The following CHIT1 variants were observed in gnomAD, a reference collection of about 807,000 sequenced individuals.
The protein encoded by CHIT1 is chitotriosidase-1.
A neutral mutation model predicts 52.0 loss-of-function variants in CHIT1; 47 were observed. That is an observed-to-expected ratio of 0.90 (90% CI 0.71 to 1.15). The LOEUF (loss-of-function observed/expected upper bound fraction) is 1.15. CHIT1 is among the 50% of genes most tolerant of loss of function. The probability of loss-of-function intolerance (pLI) is 0.00; values close to 1 mark genes in which losing one functional copy is unlikely to be tolerated. For synonymous variants in CHIT1, 242 were observed against 228.2 expected, an observed-to-expected ratio of 1.06 and a Z score of -0.54; for missense variants, 569 against 583.0, an observed-to-expected ratio of 0.98 and a Z score of 0.25.
At position 203,225,092 on chromosome 1, in the gene CHIT1, C is replaced by T. The variant is rs769690636; in HGVS notation, c.270G>A (p.Leu90=). ...AGCCTCCGATGGCTAACAGGGTCTT[C>T]AGCTTGGGATTCCTGGGAAAGACAG... ...FNGLKKMNPK[L]KTLLAIGGWN... is the part of the protein sequence containing the mutation. The change falls in exon 4 of 11, where the codon CTG becomes CTA. Residue 90 remains leucine (L), a synonymous_variant. Transcript: ENST00000367229. 1.2e-6 allele frequency: 2 copies of T among 1,613,882 alleles called. No homozygotes were observed. Among genetic ancestry groups the T allele is most frequent in the South Asian group, 1.1e-5 (1 of 91,070 alleles).
intron 1 of CHIT1, 151 bp from the exon 2 acceptor site, chr1:203,228,713 G>A (rs1049342464): frequency 3.3e-6 from 3 of 921,984 alleles, no homozygotes; most frequent in East Asian, 5.3e-5. Context: ...GGAGGGCACT[G>A]TGCCCATCCC....
At chr1:203,224,191 G>A (rs1264772224) in intron 4 of CHIT1, among the ~76,000 whole-genome samples, 3 of 152,078 alleles carry the variant, frequency 2.0e-5, no homozygotes, top group Admixed American at 6.6e-5. Context: ...CCCGTAGAGC[G>A]CTTTGTGTTT....
Position 203,216,467 on chromosome 1 carries a change from C to A in CHIT1, c.*422G>T, listed in dbSNP as rs1272201872. On this transcript the variant is annotated 3_prime_UTR_variant, in exon 11 of 11. Coordinates refer to ENST00000367229, the MANE Select transcript of CHIT1 (RefSeq NM_003465.3). ...GGCTTCTGAGCCAATAACCAAAGAA[C>A]GTGTTGCACTTGGGGCCGCGCTCTG... is the stretch of plus-strand genomic sequence containing the variant. 1 of 456,520 alleles carries A rather than the reference C, an allele frequency of 2.2e-6. No individual in the cohort carries two copies. Among genetic ancestry groups the A allele is most frequent in the Admixed American group, 2.3e-5 (1 of 42,616 alleles). The allele number at this position is 456,520 out of a possible 1,614,324, so 28.3% of individuals were successfully genotyped here.
In CHIT1 at chr1:203,229,670, A is replaced by G. The variant is rs548921664; in HGVS notation, c.-34T>C. 3 of 1,613,458 alleles carry G rather than the reference A, an allele frequency of 1.9e-6. No homozygotes were observed. The highest frequency in any genetic ancestry group is 2.7e-5 in the African/African-American group (2 of 75,022). Reference sequence around the variant, plus strand: ...TCAGCGGCAGGCTGCAGCCCATACAAACCAGCTTTCCAGGTCCTGCTCTGC... The same window carrying G: ...TCAGCGGCAGGCTGCAGCCCATACAGACCAGCTTTCCAGGTCCTGCTCTGC... On this transcript the variant is annotated 5_prime_UTR_variant, in exon 1 of 11. Transcript: ENST00000367229.
intron 4 of CHIT1, among the ~76,000 whole-genome samples, chr1:203,224,472 CA>C (rs1418431421): frequency 2.6e-5 from 4 of 152,092 alleles, no homozygotes; most frequent in African/African-American, 9.7e-5. Flanking sequence ...GTTCATGATC[CA>C]AAAAAGTTTT....
chr1:203,223,021 A>G, intron 6 of CHIT1, 114 bp downstream of exon 6: 1 of 1,403,838 alleles, frequency 7.1e-7, no homozygotes, highest in Non-Finnish European at 1.0e-6. Context: ...TAAGGATGGG[A>G]CTTTCCAAAT....
At chr1:203,217,333 C>A in intron 10 of CHIT1, 200 bp from the exon 11 acceptor site, 2 of 1,523,328 alleles carry the variant, frequency 1.3e-6, no homozygotes, top group Non-Finnish European at 1.8e-6. Context: ...ACAGGCAACA[C>A]CTGGCCTCAC....
intron 9 of CHIT1, chr1:203,218,149 G>A: frequency 1.4e-6 from 2 of 1,405,592 alleles, no homozygotes; most frequent in Non-Finnish European, 1.9e-6. Flanking sequence ...ACCTCCCTAA[G>A]TGGGAACCCT....
rs1656796116 is a variant in CHIT1 at position 203,223,106 on chromosome 1, C to A, written c.605+29G>T. 7 of 1,613,584 alleles carry A rather than the reference C, an allele frequency of 4.3e-6. No homozygotes were observed. The Admixed American group carries it at 1.2e-4, about 27-fold the overall frequency. On this transcript the variant is annotated intron_variant, in intron 6 of 10. Coordinates refer to ENST00000367229, the MANE Select transcript of CHIT1 (RefSeq NM_003465.3). ...TTGGCCTCTCTTCCCTCAGAGAGCA[C>A]AGCTCCAAGCCATCTGCCTGAGACT... is the stretch of plus-strand genomic sequence containing the variant.
Position 203,219,736 on chromosome 1 carries a change from C to A in CHIT1, c.843G>T (p.Val281=). 1 of 1,614,066 alleles carries A rather than the reference C, an allele frequency of 6.2e-7. No individual in the cohort carries two copies. The highest frequency in any genetic ancestry group is 8.5e-7 in the Non-Finnish European group (1 of 1,180,028). The change falls in exon 8 of 11, where the codon GTG becomes GTT. Residue 281 remains valine, a synonymous_variant. Coordinates refer to ENST00000367229, the MANE Select transcript of CHIT1 (RefSeq NM_003465.3). ...TGCCAGACCCTGTGGCTGGGGCCCCCACTCTGGTGTCTGATGAGGAGGCCA... is the reference window on the plus strand; with the variant it reads ...TGCCAGACCCTGTGGCTGGGGCCCCAACTCTGGTGTCTGATGAGGAGGCCA... ...FTLASSSDTR[V]GAPATGSGTP...
intron 2 of CHIT1, among the ~76,000 whole-genome samples, chr1:203,228,133 A>T (rs1243871877): frequency 6.6e-6 from 1 of 152,188 alleles, no homozygotes; most frequent in Non-Finnish European, 1.5e-5. Context: ...ACCAGATGAG[A>T]CTTAGGTTCC....
chr1:203,221,042 C>T (rs547395363), intron 7 of CHIT1, among the ~76,000 whole-genome samples: 1 of 152,322 alleles, frequency 6.6e-6, no homozygotes, highest in Admixed American at 6.5e-5. Flanking sequence ...CCAAAACTCA[C>T]ACAGTCTTCC....
chr1:203,219,416 G>T, intron 8 of CHIT1, 87 bp from the exon 9 acceptor site: 1 of 944,378 alleles, frequency 1.1e-6, no homozygotes. Context: ...ACTAGAGATT[G>T]GAAAATTCCT....
At chr1:203,224,500 G>A (rs890507342) in intron 4 of CHIT1, among the ~76,000 whole-genome samples, 2 of 152,154 alleles carry the variant, frequency 1.3e-5, no homozygotes, top group African/African-American at 4.8e-5. Context: ...ACTGTTTAGA[G>A]CTTTGGGAGC....
At chr1:203,226,239 T>G (rs1420807195) in intron 2 of CHIT1, among the ~76,000 whole-genome samples, 1 of 152,176 alleles carries the variant, frequency 6.6e-6, no homozygotes, top group Non-Finnish European at 1.5e-5. Flanking sequence ...TTGACATCCT[T>G]GAAAGTTGCT....
In CHIT1 at chr1:203,225,817, C is replaced by G. The variant is rs936359070; in HGVS notation, c.109G>C (p.Gly37Arg). 3 of 1,614,030 alleles carry G rather than the reference C, an allele frequency of 1.9e-6. No homozygotes were observed. The highest frequency in any genetic ancestry group is 2.7e-5 in the African/African-American group (2 of 74,904). The part of the protein sequence containing the change: ...YFTNWAQYRQ[G>R]EARFLPKDLD... ...TCCTTGGGCAGGAAGCGAGCCTCCC[C>G]CTGTCTGTACTGGGCCCAGTTGGTG... Residue 37 changes from glycine to arginine, a missense_variant, in exon 3 of 11, where the codon GGG becomes CGG. Coordinates refer to ENST00000367229, the MANE Select transcript of CHIT1 (RefSeq NM_003465.3).
At chr1:203,223,700 C>G in intron 4 of CHIT1, 40 bp from the exon 5 acceptor site, 2 of 1,605,360 alleles carry the variant, frequency 1.2e-6, no homozygotes, top group Non-Finnish European at 1.7e-6. Flanking sequence ...GGCCTTGGAC[C>G]AGACAGGAGG....
Position 203,223,196 on chromosome 1 carries a change from C to A in CHIT1, c.544G>T (p.Ala182Ser), listed in dbSNP as rs1332158078. ...TAGGTCTGCCCAGCTGGAACCGCTGCACTCAGAAGAAGGCGTTCCTTCCCT... is the reference window on the plus strand; with the variant it reads ...TAGGTCTGCCCAGCTGGAACCGCTGAACTCAGAAGAAGGCGTTCCTTCCCT... ...TSGKERLLLSAAVPAGQTYVD... is the reference protein window; with the variant it reads ...TSGKERLLLSSAVPAGQTYVD... The change falls in exon 6 of 11, where the codon GCA becomes TCA. Residue 182 changes from alanine (A) to serine (S), a missense_variant. By Grantham distance (99) the Ala-to-Ser change is moderately conservative. Transcript: ENST00000367229. 1.2e-6 allele frequency: 2 copies of A among 1,614,232 alleles called. No homozygotes were observed. The highest frequency in any genetic ancestry group is 1.7e-6 in the Non-Finnish European group (2 of 1,180,052).
intron 2 of CHIT1, among the ~76,000 whole-genome samples, chr1:203,227,982 G>A (rs1011033998): frequency 3.9e-5 from 6 of 152,162 alleles, no homozygotes; most frequent in African/African-American, 1.4e-4. Flanking sequence ...AGTTCAAGTT[G>A]CTGAAGGTCC....
Sources: gnomAD v4.1 joint callset for allele counts (sites outside exome capture counted in the v4.1 genomes callset) on GRCh38, gnomAD v4.1.1 for gene constraint, MANE v1.5 for transcripts, NCBI Gene and HGNC (gene_info 2026-07-23, HGNC 2026-07-21) for gene names.